The following TRIM37 variants were observed in gnomAD, a reference collection of about 807,000 sequenced individuals.
TRIM37 encodes the protein E3 ubiquitin-protein ligase TRIM37.
TRIM37 carries 80 observed loss-of-function variants against 129.8 expected under a neutral mutation model. The observed-to-expected ratio is 0.62, with a 90% CI of 0.51 to 0.74. The LOEUF is 0.74. Among genes scored for constraint, TRIM37 ranks in the 30% least tolerant of loss-of-function variants. The probability of loss-of-function intolerance (pLI) is 0.00; values close to 1 mark genes in which losing one functional copy is unlikely to be tolerated. For synonymous variants in TRIM37, 389 were observed against 387.1 expected (o/e 1.00, Z -0.06); for missense variants, 1,054 against 1,176.5 (o/e 0.90, Z 1.52).
intron 8 of TRIM37, among the ~76,000 whole-genome samples, chr17:59,072,302 T>A (rs1445658821): frequency 6.6e-6 from 1 of 152,190 alleles, no homozygotes; most frequent in South Asian, 2.1e-4. Context: ...AGTCTCACAG[T>A]CATTGGTATT....
At chr17:59,001,836 CAACAAACTAAACACTAACA>C (rs1862108539) in intron 22 of TRIM37, 122 bp from the exon 23 acceptor site, 10 of 1,375,216 alleles carry the variant, frequency 7.3e-6, no homozygotes, top group Non-Finnish European at 1.0e-5. Flanking sequence ...GCCAAGAATT[CAACAAACTAAACACTAACA>C]AAACAAAGAC....
In TRIM37 at chr17:59,057,023, A is replaced by C; in HGVS notation, c.1051T>G (p.Ser351Ala). ...YEYRVEMVHQSCNDPTKNIIR... is the reference protein window; with the variant it reads ...YEYRVEMVHQACNDPTKNIIR... ...ATATTTTTTGTAGGATCATTACAGGACTGGTGAACCATCTCTACACGATAT... is the reference window on the plus strand; with the variant it reads ...ATATTTTTTGTAGGATCATTACAGGCCTGGTGAACCATCTCTACACGATAT... Residue 351 changes from serine to alanine, a missense_variant, in exon 13 of 24, where the codon TCC becomes GCC. By Grantham distance (99) the Ser-to-Ala change is moderately conservative (BLOSUM62 1). This residue lies in a region of TRIM37 where 752 missense variants were observed against 870.8 expected (regional missense o/e 0.86). Transcript: ENST00000262294. The C allele has an allele frequency of 6.2e-7, 1 of 1,613,794 alleles. No homozygotes were observed. Among genetic ancestry groups the C allele is most frequent in the Non-Finnish European group, 8.5e-7 (1 of 1,179,876 alleles).
intron 2 of TRIM37, among the ~76,000 whole-genome samples, chr17:59,096,169 A>G (rs971099996): frequency 6.6e-6 from 1 of 152,204 alleles, no homozygotes; most frequent in Non-Finnish European, 1.5e-5. Context: ...GATTGTATAT[A>G]TTAATTATCT....
chr17:59,049,500 TATTTA>T, intron 14 of TRIM37, 107 bp from the exon 15 acceptor site: 1 of 1,014,798 alleles, frequency 9.9e-7, no homozygotes, highest in Non-Finnish European at 1.5e-6. Flanking sequence ...ACCATTGCTT[TATTTA>T]TTTTTTGAGA....
At chr17:59,090,501 A>G (rs117529764) in intron 3 of TRIM37, among the ~76,000 whole-genome samples, 65 of 152,342 alleles carry the variant, frequency 4.3e-4, no homozygotes, top group Non-Finnish European at 6.9e-4. Flanking sequence ...TTCTTCTGAA[A>G]GTATTATTAA....
In TRIM37 at chr17:59,106,539, C is replaced by G. The variant is rs1321621982; in HGVS notation, c.-78G>C. On this transcript the variant is annotated 5_prime_UTR_variant, in exon 1 of 24. Coordinates refer to ENST00000262294, the MANE Select transcript of TRIM37 (RefSeq NM_015294.6). ...CCTCTTAGGCGCCGGCCCGAGGTCG[C>G]CAGATCAAATCGCCGATAAAAGCCC... 1 of 1,573,966 alleles carries G rather than the reference C, an allele frequency of 6.4e-7. No individual in the cohort carries two copies. Among genetic ancestry groups the G allele is most frequent in the African/African-American group, 1.4e-5 (1 of 73,826 alleles).
chr17:59,082,462 G>C (rs1416372440), intron 5 of TRIM37, among the ~76,000 whole-genome samples: 2 of 152,052 alleles, frequency 1.3e-5, no homozygotes, highest in African/African-American at 2.4e-5. Flanking sequence ...GTAATTGTTT[G>C]ATATGTTCAT....
intron 24 of TRIM37, among the ~76,000 whole-genome samples, chr17:58,989,908 A>G (rs2032192966): frequency 6.6e-6 from 1 of 152,082 alleles, no homozygotes; most frequent in African/African-American, 2.4e-5. Flanking sequence ...AAGCAAAGCT[A>G]GGTGAGGTGG....
At chr17:59,094,707 A>T (rs992435257) in intron 2 of TRIM37, among the ~76,000 whole-genome samples, 2 of 152,166 alleles carry the variant, frequency 1.3e-5, no homozygotes, top group Admixed American at 1.3e-4. Context: ...GTTTTTGGAT[A>T]AAAAACTGGG....
chr17:59,025,428 A>G (rs958377316), intron 19 of TRIM37, among the ~76,000 whole-genome samples: 1 of 151,426 alleles, frequency 6.6e-6, no homozygotes, highest in African/African-American at 2.4e-5. Context: ...AATGTTAATT[A>G]TATTATTAAT....
intron 24 of TRIM37, among the ~76,000 whole-genome samples, chr17:58,992,260 T>G (rs12947841): frequency 1.8e-5 from 2 of 109,672 alleles, no homozygotes; most frequent in African/African-American, 6.4e-5. Context: ...TATATATATA[T>G]AAATATAAAT....
chr17:58,999,100 C>A lies in TRIM37; in HGVS notation c.*277G>T. ...GCCTTCTGCTGTAGTAGACAAACTG[C>A]CTTTTGTGAATGTACAAATTTGCTA... is the stretch of plus-strand genomic sequence containing the variant. On this transcript the variant is annotated 3_prime_UTR_variant, in exon 24 of 24. Coordinates refer to ENST00000262294, the MANE Select transcript of TRIM37 (RefSeq NM_015294.6). The A allele has an allele frequency of 8.0e-7, 1 of 1,251,884 alleles. No homozygotes were observed. Among genetic ancestry groups the A allele is most frequent in the Non-Finnish European group, 1.0e-6 (1 of 989,982 alleles). The allele number at this position is 1,251,884 out of a possible 1,614,324, so 77.5% of individuals were successfully genotyped here. A position where few individuals can be genotyped will look rare whatever the true frequency, so the allele number is the denominator to read the frequency against.
intron 2 of TRIM37, among the ~76,000 whole-genome samples, chr17:59,102,327 G>A (rs2045588630): frequency 6.6e-6 from 1 of 152,146 alleles, no homozygotes. Context: ...TGAGGCATAA[G>A]GTAACAACCA....
chr17:59,101,249 A>G (rs1051137349), intron 2 of TRIM37, among the ~76,000 whole-genome samples: 1 of 152,164 alleles, frequency 6.6e-6, no homozygotes, highest in African/African-American at 2.4e-5. Flanking sequence ...ACACAAGGCT[A>G]ACATTCTTGG....
chr17:59,044,256 G>A (rs2039541174), intron 16 of TRIM37, among the ~76,000 whole-genome samples: 1 of 152,162 alleles, frequency 6.6e-6, no homozygotes, highest in South Asian at 2.1e-4. Context: ...GCAGTGAGCT[G>A]TGATCACGCG....
In TRIM37 at chr17:58,998,367, G is replaced by C. The variant is rs1259046372; in HGVS notation, c.*1010C>G. 1 of 985,244 alleles carries C rather than the reference G, an allele frequency of 1.0e-6. No homozygotes were observed. The highest frequency in any genetic ancestry group is 6.2e-5 in the Admixed American group (1 of 16,254). The allele number at this position is 985,244 out of a possible 1,614,324, so 61.0% of individuals were successfully genotyped here. A position where few individuals can be genotyped will look rare whatever the true frequency, so the allele number is the denominator to read the frequency against. ...CTCACATGTATATTTAATTATTCAT[G>C]CTTTTTCAATAGTCTCTTAGTCAAC... On this transcript the variant is annotated 3_prime_UTR_variant, in exon 24 of 24. Coordinates refer to ENST00000262294, the MANE Select transcript of TRIM37 (RefSeq NM_015294.6).
chr17:59,017,719 G>GGTT (rs1333974174), intron 19 of TRIM37, among the ~76,000 whole-genome samples: 4 of 151,954 alleles, frequency 2.6e-5, no homozygotes, highest in African/African-American at 7.3e-5. Context: ...CCACCTCCTG[G>GGTT]GTTCAAGCAA....
chr17:59,048,147 T>C (rs2146099086), intron 15 of TRIM37, among the ~76,000 whole-genome samples: 1 of 152,274 alleles, frequency 6.6e-6, no homozygotes, highest in African/African-American at 2.4e-5. Flanking sequence ...TCAAGGTCAT[T>C]AATTAACACT....
intron 23 of TRIM37, among the ~76,000 whole-genome samples, chr17:59,001,127 G>A (rs1172168396): frequency 1.3e-5 from 2 of 150,754 alleles, no homozygotes; most frequent in Non-Finnish European, 3.0e-5. Context: ...CCCAGGAGGC[G>A]GAGGTTGCAG....
Sources: allele counts gnomAD v4.1 joint callset (sites outside exome capture counted in the v4.1 genomes callset), GRCh38; gene constraint gnomAD v4.1.1; regional missense constraint gnomAD v4.1.1; transcripts MANE v1.5; gene names NCBI Gene and HGNC (gene_info 2026-07-23, HGNC 2026-07-21).